The following PRR11 variants were observed in gnomAD, a reference collection of about 807,000 sequenced individuals.
PRR11 encodes proline-rich protein 11.
In PRR11, 30 loss-of-function variants were observed where a neutral mutation model predicts 45.6. The ratio of observed to expected loss-of-function variants is 0.66; its 90% CI spans 0.49 to 0.89. The LOEUF is 0.89. PRR11 is among the 40% of genes least tolerant of loss of function. The pLI is 0.00. For missense variants in PRR11, 373 were observed against 424.8 expected (o/e 0.88, Z 1.07); for synonymous variants, 128 against 153.5 (o/e 0.83, Z 1.23).
At position 59,203,430 on chromosome 17, in the gene PRR11, G is replaced by A. The variant is rs563453517; in HGVS notation, c.*1799G>A. On this transcript the variant is annotated 3_prime_UTR_variant, in exon 10 of 10. Coordinates refer to ENST00000262293, the MANE Select transcript of PRR11 (RefSeq NM_018304.4). ...AGTAAAGATGGGGTTTCACTATGTT[G>A]GCCAGGCTGGTCTTGAACTCCTCAC... 6.6e-6 allele frequency: 1 copy of A among 152,238 alleles called. No homozygotes were observed. Among genetic ancestry groups the A allele is most frequent in the South Asian group, 2.1e-4 (1 of 4,822 alleles). 9.4% of individuals were successfully genotyped at this position (152,238 alleles called of 1,614,324 possible).
chr17:59,159,968 C>G (rs959254868), intron 1 of PRR11, among the ~76,000 whole-genome samples: 3 of 152,128 alleles, frequency 2.0e-5, no homozygotes, highest in African/African-American at 7.2e-5. Context: ...TCTCTCCCCA[C>G]TGTAAACTCT....
chr17:59,192,188 T>G (rs2046843001), intron 4 of PRR11, among the ~76,000 whole-genome samples: 1 of 152,102 alleles, frequency 6.6e-6, no homozygotes, highest in African/African-American at 2.4e-5. Flanking sequence ...AGAAGCAATG[T>G]GACCACAGAG....
intron 5 of PRR11, among the ~76,000 whole-genome samples, chr17:59,194,266 C>G (rs1462489912): frequency 7.8e-6 from 1 of 127,854 alleles, no homozygotes; most frequent in Non-Finnish European, 1.6e-5. Flanking sequence ...CTTCCCAATC[C>G]TCACACACAC....
At chr17:59,193,831 G>T in intron 5 of PRR11, 97 bp downstream of exon 5, 1 of 1,388,748 alleles carries the variant, frequency 7.2e-7, no homozygotes, top group East Asian at 2.3e-5. Flanking sequence ...AGGCTAATCA[G>T]GGCTTGGGCC....
intron 2 of PRR11, among the ~76,000 whole-genome samples, chr17:59,184,533 G>T (rs2046804040): frequency 6.6e-6 from 1 of 152,154 alleles, no homozygotes. Context: ...TCTCCTAGGA[G>T]TCTCTTGCTC....
rs899989867 is a variant in PRR11 at position 59,179,996 on chromosome 17, C to G, written c.129-5058C>G. The G allele has an allele frequency of 6.6e-6, 7 of 1,054,600 alleles. No homozygotes were observed. In the African/African-American group the frequency reaches 1.1e-4, roughly 17 times the overall value. 65.3% of individuals were successfully genotyped at this position (1,054,600 alleles called of 1,614,324 possible). A position where few individuals can be genotyped will look rare whatever the true frequency, so the allele number is the denominator to read the frequency against. On this transcript the variant is annotated intron_variant, in intron 2 of 9. Transcript: ENST00000262293. Reference sequence around the variant, plus strand: ...CAGCCTCGCAGACTGCTGGCTTCTCCAAGCCATCTTTCCGTCTTTCTCCTT... The same window carrying G: ...CAGCCTCGCAGACTGCTGGCTTCTCGAAGCCATCTTTCCGTCTTTCTCCTT...
chr17:59,194,468 C>T (rs945078949), intron 5 of PRR11, among the ~76,000 whole-genome samples: 1 of 151,892 alleles, frequency 6.6e-6, no homozygotes, highest in Non-Finnish European at 1.5e-5. Context: ...TAATGACTCC[C>T]GGGGAAGATG....
rs867082905 is a variant in PRR11, at chr17:59,178,002, G to A, written c.129-7052G>A. Among the ~76,000 whole-genome samples the A allele has an allele frequency of 8.3e-3, 1,037 of 125,354 alleles. 6 individuals are homozygous for A. Among genetic ancestry groups the A allele is most frequent in the East Asian group, 0.03 (128 of 4,316 alleles). 82.2% of individuals were successfully genotyped at this position (125,354 alleles called of 152,430 possible). On this transcript the variant is annotated intron_variant, in intron 2 of 9. Coordinates refer to ENST00000262293, the MANE Select transcript of PRR11 (RefSeq NM_018304.4). ...GTGGAACACAGCTAGATACTGTCTC[G>A]AAAAAAAAAAAAAAACAGGTGGGCA...
intron 2 of PRR11, among the ~76,000 whole-genome samples, 189 bp from the exon 3 acceptor site, chr17:59,184,850 GTTTTTTTTTTTTTTT>G (rs5821252): frequency 1.4e-5 from 1 of 72,692 alleles, no homozygotes; most frequent in Non-Finnish European, 2.5e-5. Context: ...GCCTGATTAA[GTTTTTTTTTTTTTTT>G]TTTTTTTTTT....
chr17:59,175,480 C>T (rs1006895073), intron 2 of PRR11, among the ~76,000 whole-genome samples: 5 of 152,042 alleles, frequency 3.3e-5, no homozygotes, highest in South Asian at 2.1e-4. Context: ...GTAAAAGACA[C>T]GCCAGACGTG....
chr17:59,161,383 G>A (rs1240324781), intron 1 of PRR11, among the ~76,000 whole-genome samples: 1 of 143,524 alleles, frequency 7.0e-6, no homozygotes, highest in Non-Finnish European at 1.5e-5. Context: ...CTCCAGCCTG[G>A]CCAGGCAACA....
chr17:59,169,906 A>C (rs368586583), intron 2 of PRR11, 26 bp downstream of exon 2: 1 of 1,578,420 alleles, frequency 6.3e-7, no homozygotes, highest in East Asian at 2.2e-5. Context: ...GAACAGAAAA[A>C]ATATTAGAGA....
intron 1 of PRR11, among the ~76,000 whole-genome samples, chr17:59,168,723 TCA>T (rs2046691743): frequency 6.6e-6 from 1 of 152,078 alleles, no homozygotes; most frequent in South Asian, 2.1e-4. Flanking sequence ...TTTAAAACAC[TCA>T]TGTCTTAGAT....
chr17:59,194,673 A>C (rs2046856254), intron 5 of PRR11, 84 bp from the exon 6 acceptor site: 1 of 1,004,994 alleles, frequency 1.0e-6, no homozygotes, highest in Non-Finnish European at 1.5e-6. Flanking sequence ...CTTAACTCTG[A>C]GTCTTTAAAA....
chr17:59,176,662 CGTTGGAA>C (rs1359518297), intron 2 of PRR11, among the ~76,000 whole-genome samples: 1 of 111,304 alleles, frequency 9.0e-6, no homozygotes, highest in Non-Finnish European at 1.8e-5. Context: ...TGTACACTGG[CGTTGGAA>C]TTTGGTTTTT....
intron 4 of PRR11, among the ~76,000 whole-genome samples, chr17:59,187,790 G>C (rs1304661045): frequency 6.6e-6 from 1 of 151,278 alleles, no homozygotes; most frequent in Non-Finnish European, 1.5e-5. Context: ...ACTTGAACCC[G>C]GGAGGCGGAG....
chr17:59,169,904 A>G, intron 2 of PRR11, 24 bp downstream of exon 2: 1 of 1,579,256 alleles, frequency 6.3e-7, no homozygotes, highest in Non-Finnish European at 8.5e-7. Context: ...TGGAACAGAA[A>G]AAATATTAGA....
At chr17:59,195,002 C>A in intron 6 of PRR11, 147 bp downstream of exon 6, 1 of 648,532 alleles carries the variant, frequency 1.5e-6, no homozygotes, top group East Asian at 2.7e-5. Context: ...GGCAAGACCT[C>A]ATCTCAATTT....
chr17:59,178,169 AC>A (rs1440386879), intron 2 of PRR11, among the ~76,000 whole-genome samples: 4 of 152,044 alleles, frequency 2.6e-5, no homozygotes, highest in African/African-American at 9.7e-5. Context: ...CCCCATCTCT[AC>A]TAAAAACACA....
Sources: gnomAD v4.1 joint callset for allele counts (sites outside exome capture counted in the v4.1 genomes callset) on GRCh38, gnomAD v4.1.1 for gene constraint, MANE v1.5 for transcripts, NCBI Gene and HGNC (gene_info 2026-07-23, HGNC 2026-07-21) for gene names.